Variants in CAPN15 observed in about 807,000 individuals in gnomAD.
The protein encoded by CAPN15 is calpain-15.
A neutral mutation model predicts 97.9 loss-of-function variants in CAPN15; 53 were observed. That is an observed-to-expected ratio of 0.54 (90% CI 0.43 to 0.68). The LOEUF (loss-of-function observed/expected upper bound fraction) is 0.68. Ranked by LOEUF, CAPN15 falls within the 30% of genes least tolerant of loss-of-function variation. The pLI is 0.00. For synonymous variants in CAPN15, 922 were observed against 722.5 expected, an observed-to-expected ratio of 1.28 and a Z score of -4.43; for missense variants, 1,592 against 1,589.8, an observed-to-expected ratio of 1.00 and a Z score of -0.02.
chr16:540,421 C>T (rs1424385925), intron 3 of CAPN15: 2 of 912,240 alleles, frequency 2.2e-6, no homozygotes, highest in Non-Finnish European at 2.6e-6. Flanking sequence ...GGCAGAGGGC[C>T]TCGTTCTCAG....
chr16:552,410 A>AAGCG lies in CAPN15; in HGVS notation c.2618_2621dup (p.Val876ArgfsTer97). 6.2e-7 allele frequency: 1 copy of AAGCG among 1,601,704 alleles called. No homozygotes were observed. The highest frequency in any genetic ancestry group is 8.5e-7 in the Non-Finnish European group (1 of 1,173,160). On this transcript the variant is annotated frameshift_variant, in exon 11 of 14. Coordinates refer to ENST00000219611, the MANE Select transcript of CAPN15 (RefSeq NM_005632.3). LOFTEE classifies it high-confidence loss of function. This position sits in a 1 kb window ranked among gnomAD's most constrained non-coding sequence, Gnocchi z 6.4. The stretch of plus-strand genomic sequence containing the variant: ...CCTGGGCCGCCTCCTGGCCCACAGT[A>AAGCG]AGCGCGCGGTCAAGAAGTTCGTCAG...
Position 552,858 on chromosome 16 carries a change from C to A in CAPN15, c.2905-5C>A. The A allele has an allele frequency of 6.5e-7, 1 of 1,546,854 alleles. No individual in the cohort carries two copies. The highest frequency in any genetic ancestry group is 8.8e-7 in the Non-Finnish European group (1 of 1,140,220). The stretch of plus-strand genomic sequence containing the variant: ...CTGCCCCACAACTGCCATTCCTGTG[C>A]CCAGGGCCGTGAGGGCATGACCTGC... On this transcript the variant is annotated splice_polypyrimidine_tract_variant and splice_region_variant and intron_variant, in intron 12 of 13. Coordinates refer to ENST00000219611, the MANE Select transcript of CAPN15 (RefSeq NM_005632.3). This position sits in a 1 kb window ranked among gnomAD's most constrained non-coding sequence, Gnocchi z 6.4.
At position 552,111 on chromosome 16, in the gene CAPN15, G is replaced by A. The variant is rs893693690; in HGVS notation, c.2406G>A (p.Gln802=). The part of the protein sequence containing the change: ...VHSDWQEARV[Q]GCFPSSASAP... ...CGGACTGGCAGGAGGCGCGGGTGCA[G>A]GGCTGCTTTCCCAGCTCGGCCAGCG... Residue 802 remains glutamine (Q), a synonymous_variant, in exon 10 of 14, where the codon CAG becomes CAA. Transcript: ENST00000219611. The surrounding 1 kb of genome is among the most constrained non-coding windows in gnomAD (Gnocchi z 6.4). 3.1e-5 allele frequency: 48 copies of A among 1,548,724 alleles called. No homozygotes were observed. The highest frequency in any genetic ancestry group is 1.6e-4 in the Admixed American group (8 of 50,974).
rs963983033 is a variant in CAPN15 at position 533,411 on chromosome 16, G to A, written c.-189-535G>A. Reference sequence around the variant, plus strand: ...AGCCGCCTGGCTCGAAGCAGTGGCCGCCCTGCTGACAGCTGTAGTGGCCGG... The same window carrying A: ...AGCCGCCTGGCTCGAAGCAGTGGCCACCCTGCTGACAGCTGTAGTGGCCGG... On this transcript the variant is annotated intron_variant, in intron 1 of 13. Coordinates refer to ENST00000219611, the MANE Select transcript of CAPN15 (RefSeq NM_005632.3). 4.6e-5 allele frequency among the ~76,000 whole-genome samples: 7 copies of A among 152,136 alleles called. No homozygotes were observed. The East Asian group carries it at 5.8e-4, about 13-fold the overall frequency.
Position 553,501 on chromosome 16 carries a change from G to T in CAPN15, c.3246G>T (p.Gly1082=). The T allele has an allele frequency of 6.2e-7, 1 of 1,606,992 alleles. No homozygotes were observed. Among genetic ancestry groups the T allele is most frequent in the Non-Finnish European group, 8.5e-7 (1 of 1,176,488 alleles). ...PLTPEVAGLH[G]PRPL Reference sequence around the variant, plus strand: ...CGCCAGAGGTCGCCGGTCTGCATGGGCCCCGACCGCTGTGACCACCATGCC... The same window carrying T: ...CGCCAGAGGTCGCCGGTCTGCATGGTCCCCGACCGCTGTGACCACCATGCC... Residue 1082 remains glycine, a synonymous_variant, in exon 14 of 14, where the codon GGG becomes GGT. Transcript: ENST00000219611.
At chr16:531,630 GCC>G (rs530135716) in intron 1 of CAPN15, among the ~76,000 whole-genome samples, 5 of 141,796 alleles carry the variant, frequency 3.5e-5, no homozygotes, top group African/African-American at 1.2e-4. Flanking sequence ...GGTGACAGGT[GCC>G]CCCAGGGCCA....
rs771294526 is a variant in CAPN15 at position 552,664 on chromosome 16, G to T, written c.2797G>T (p.Ala933Ser). ...CCCAGAGCCGCCGGGCCACGTGCTG[G>T]CTGTGTACAGCTCGAGGCTGGTCAT... ...ASPEPPGHVL[A>S]VYSSRLVMVE... Residue 933 changes from alanine (A) to serine (S), a missense_variant, in exon 12 of 14, where the codon GCT (alanine) becomes TCT (serine). Ala to Ser is a moderately conservative substitution (Grantham distance 99). Around this residue, in one of 3 missense-constraint regions of CAPN15, gnomAD observed 644 missense variants for 699.6 expected, o/e 0.92. Transcript: ENST00000219611. This position sits in a 1 kb window ranked among gnomAD's most constrained non-coding sequence, Gnocchi z 6.4. 1 of 1,543,138 alleles carries T rather than the reference G, an allele frequency of 6.5e-7. No homozygotes were observed.
chr16:541,162 G>T (rs1169851317), intron 3 of CAPN15, among the ~76,000 whole-genome samples: 2 of 152,266 alleles, frequency 1.3e-5, no homozygotes, highest in Non-Finnish European at 2.9e-5. Context: ...AGGTGGGAGG[G>T]ACGGGCGTGG....
At position 552,748 on chromosome 16, in the gene CAPN15, G is replaced by A. The variant is rs759734619; in HGVS notation, c.2881G>A (p.Glu961Lys). The change falls in exon 12 of 14, where the codon GAG (glutamate) becomes AAG (lysine). Residue 961 changes from glutamate (E) to lysine (K), a missense_variant. Physicochemically the swap from Glu to Lys is moderately conservative, Grantham distance 56. Transcript: ENST00000219611. The surrounding 1 kb of genome is among the most constrained non-coding windows in gnomAD (Gnocchi z 6.4). ...GGCCGACGCCATCATCCTGCTCACC[G>A]AGAGCCGCGGAGAGCGGCACGAGGT... ...TLADAIILLTESRGERHEGRE... is the reference protein window; with the variant it reads ...TLADAIILLTKSRGERHEGRE... The A allele has an allele frequency of 6.9e-5, 106 of 1,536,512 alleles. No individual in the cohort carries two copies. Among genetic ancestry groups the A allele is most frequent in the Middle Eastern group, 4.4e-4 (2 of 4,570 alleles).
At position 553,766 on chromosome 16, in the gene CAPN15, G is replaced by C; in HGVS notation, c.*250G>C. 1 of 381,510 alleles carries C rather than the reference G, an allele frequency of 2.6e-6. No homozygotes were observed. 23.6% of individuals were successfully genotyped at this position (381,510 alleles called of 1,614,324 possible). ...CTCGAACCAGGCGGGCTGTGAACCA[G>C]CCCCGCTCACCTGCCAGCCCCAACA... On this transcript the variant is annotated 3_prime_UTR_variant, in exon 14 of 14. Coordinates refer to ENST00000219611, the MANE Select transcript of CAPN15 (RefSeq NM_005632.3).
chr16:535,572 A>G lies in CAPN15; in HGVS notation c.-136-457A>G, dbSNP rs948172847. Among the ~76,000 whole-genome samples, 1 of 152,106 alleles carries G rather than the reference A, an allele frequency of 6.6e-6. No individual in the cohort carries two copies. The highest frequency in any genetic ancestry group is 2.4e-5 in the African/African-American group (1 of 41,428). On this transcript the variant is annotated intron_variant, in intron 2 of 13. Transcript: ENST00000219611. This position sits in a 1 kb window ranked among gnomAD's most constrained non-coding sequence, Gnocchi z 6.2. ...GTTTAAAACTAGGGCATCGGCTCCCAGGGAGGGCGGGGAGCTGCACAGTTG... is the reference window on the plus strand; with the variant it reads ...GTTTAAAACTAGGGCATCGGCTCCCGGGGAGGGCGGGGAGCTGCACAGTTG...
At chr16:548,752 G>A (rs900832214) in intron 4 of CAPN15, among the ~76,000 whole-genome samples, 6 of 152,246 alleles carry the variant, frequency 3.9e-5, no homozygotes, top group African/African-American at 1.2e-4. Flanking sequence ...TGGGGGCTGC[G>A]CTGTCCCCCT....
chr16:530,738 C>T (rs2033190506), intron 1 of CAPN15, among the ~76,000 whole-genome samples: 1 of 152,202 alleles, frequency 6.6e-6, no homozygotes, highest in Non-Finnish European at 1.5e-5. Flanking sequence ...GGAATGGGGT[C>T]TGTGGGAGGA....
Position 553,036 on chromosome 16 carries a change from G to A in CAPN15, c.3078G>A (p.Leu1026=). 1 of 1,550,862 alleles carries A rather than the reference G, an allele frequency of 6.4e-7. No individual in the cohort carries two copies. Among genetic ancestry groups the A allele is most frequent in the Non-Finnish European group, 8.8e-7 (1 of 1,140,478 alleles). The change falls in exon 13 of 14, where the codon CTG becomes CTA. Residue 1026 remains leucine, a synonymous_variant. Coordinates refer to ENST00000219611, the MANE Select transcript of CAPN15 (RefSeq NM_005632.3). Reference sequence around the variant, plus strand: ...GTACCCAGGATAGCGTGCCACCCCTGCACAGGTGCGCCCCCGCCCCTGCCC... The same window carrying A: ...GTACCCAGGATAGCGTGCCACCCCTACACAGGTGCGCCCCCGCCCCTGCCC... The part of the protein sequence containing the change: ...SLRTQDSVPP[L]HRQVLVILSQ...
At chr16:553,281 A>G (rs951107314) in intron 13 of CAPN15, 58 bp from the exon 14 acceptor site, 3 of 1,225,334 alleles carry the variant, frequency 2.4e-6, no homozygotes, top group Admixed American at 3.8e-5. Flanking sequence ...AGGTGGGCAC[A>G]GCCCTGCCCC....
At chr16:545,346 C>A (rs2034510928) in intron 3 of CAPN15, among the ~76,000 whole-genome samples, 1 of 152,056 alleles carries the variant, frequency 6.6e-6, no homozygotes, top group Non-Finnish European at 1.5e-5. Context: ...CCACCGCTGA[C>A]CCCTGACCCC....
Position 549,278 on chromosome 16 carries a change from C to G in CAPN15, c.1659-10C>G. 6.3e-7 allele frequency: 1 copy of G among 1,577,898 alleles called. No individual in the cohort carries two copies. Among genetic ancestry groups the G allele is most frequent in the Non-Finnish European group, 8.6e-7 (1 of 1,168,956 alleles). On this transcript the variant is annotated splice_polypyrimidine_tract_variant and intron_variant, in intron 5 of 13. Transcript: ENST00000219611. ...CGGTCCCCGCGAGGTCACCCTGAGG[C>G]TCTGCGCAGGTTCCTGAGCGCCCTG...
At position 552,246 on chromosome 16, in the gene CAPN15, G is replaced by A. The variant is rs982271617; in HGVS notation, c.2507+34G>A. ...TGCGGGGCCCCATCGGGCTGGGCTG[G>A]GCTAGGCTGGCGGCCGTGACCACGC... On this transcript the variant is annotated intron_variant, in intron 10 of 13. Transcript: ENST00000219611. This position sits in a 1 kb window ranked among gnomAD's most constrained non-coding sequence, Gnocchi z 6.4. 31 of 1,534,312 alleles carry A rather than the reference G, an allele frequency of 2.0e-5. No homozygotes were observed. The highest frequency in any genetic ancestry group is 2.5e-5 in the Non-Finnish European group (29 of 1,139,626).
intron 1 of CAPN15, among the ~76,000 whole-genome samples, chr16:530,987 G>A (rs1382373443): frequency 1.3e-5 from 2 of 152,232 alleles, no homozygotes; most frequent in Admixed American, 1.3e-4. Flanking sequence ...ATTCCCTGAG[G>A]TCAAAGGGAA....
Sources: allele counts gnomAD v4.1 joint callset (sites outside exome capture counted in the v4.1 genomes callset), GRCh38; gene constraint gnomAD v4.1.1; regional missense constraint gnomAD v4.1.1; non-coding constraint Gnocchi (gnomAD v3.1); transcripts MANE v1.5; gene names NCBI Gene and HGNC (gene_info 2026-07-23, HGNC 2026-07-21).